CLDN10: variants seen among roughly 807,000 people sequenced by gnomAD.
The protein encoded by CLDN10 is claudin 10, also known as claudin-10.
CLDN10 carries 15 observed loss-of-function variants against 22.9 expected under a neutral mutation model. The observed-to-expected ratio is 0.65, with a 90% confidence interval of 0.44 to 1.01. The LOEUF is 1.01. Among genes scored for constraint, CLDN10 ranks in the 50% least tolerant of loss-of-function variants. The pLI, the probability that CLDN10 is intolerant of heterozygous loss-of-function variation, is 0.00. For missense variants in CLDN10, 247 were observed against 287.8 expected, an observed-to-expected ratio of 0.86 and a Z score of 1.03; for synonymous variants, 114 against 111.4, an observed-to-expected ratio of 1.02 and a Z score of -0.15.
At chr13:95,536,160 C>A (rs1487698937) in intron 1 of CLDN10, among the ~76,000 whole-genome samples, 1 of 139,252 alleles carries the variant, frequency 7.2e-6, no homozygotes, top group Non-Finnish European at 1.5e-5. Context: ...TCTTTAAATA[C>A]ATTTGTGTAT....
rs569467427 is a variant in CLDN10 at position 95,444,684 on chromosome 13, A to C, written c.214+10637A>C. ...TTAGGCTAAGGGACTCATCCAACCC[A>C]AAAATTATTAACTGCATGTTTCTGA... is the stretch of plus-strand genomic sequence containing the variant. On this transcript the variant is annotated intron_variant, in intron 1 of 4. Transcript: ENST00000376873. Among the ~76,000 whole-genome samples, 7 of 152,374 alleles carry C rather than the reference A, an allele frequency of 4.6e-5. 1 individual carries two copies. The highest frequency in any genetic ancestry group is 1.9e-4 in the East Asian group (1 of 5,190).
rs1248774381 is a variant in CLDN10 at position 95,489,048 on chromosome 13, T to C, written c.214+55001T>C. On this transcript the variant is annotated intron_variant, in intron 1 of 4. Coordinates refer to the CLDN10 transcript ENST00000376873. ...CTCACTGCAACCTCCGGCTCCTGGG[T>C]TCAAGTAATTCTCCTGCCTCAGCCT... Among the ~76,000 whole-genome samples the C allele has an allele frequency of 4.1e-5, 6 of 147,596 alleles. No individual in the cohort carries two copies. The East Asian group carries it at 1.2e-3, about 30-fold the overall frequency.
chr13:95,490,604 G>GT (rs2042862724), intron 1 of CLDN10, among the ~76,000 whole-genome samples: 1 of 152,154 alleles, frequency 6.6e-6, no homozygotes, highest in African/African-American at 2.4e-5. Flanking sequence ...TTGAATTCCA[G>GT]TTTTATTCCA....
chr13:95,552,713 A>C, upstream of CLDN10: 1 of 1,573,738 alleles, frequency 6.4e-7, no homozygotes. Context: ...GTCGCGGCGC[A>C]GAGTGGGAGC....
At chr13:95,561,668 C>T (rs1566338936) in intron 3 of CLDN10, among the ~76,000 whole-genome samples, 1 of 152,008 alleles carries the variant, frequency 6.6e-6, no homozygotes, top group African/African-American at 2.4e-5. Flanking sequence ...CTTCAGAACA[C>T]TGGCTCTTAA....
At chr13:95,459,901 A>T (rs2042518777) in intron 1 of CLDN10, among the ~76,000 whole-genome samples, 1 of 152,324 alleles carries the variant, frequency 6.6e-6, no homozygotes, top group East Asian at 1.9e-4. Flanking sequence ...ATTCCAAATC[A>T]TCTCTTTGTG....
At chr13:95,443,847 G>A (rs1245155046) in intron 1 of CLDN10, among the ~76,000 whole-genome samples, 1 of 152,132 alleles carries the variant, frequency 6.6e-6, no homozygotes, top group Non-Finnish European at 1.5e-5. Flanking sequence ...GCTAGCCCTC[G>A]GGTTGGAGGA....
chr13:95,457,562 A>G (rs895644468), intron 1 of CLDN10, among the ~76,000 whole-genome samples: 3 of 152,068 alleles, frequency 2.0e-5, no homozygotes, highest in African/African-American at 7.2e-5. Context: ...TATTTGTTCC[A>G]TTCTCTAGTT....
chr13:95,468,019 G>C (rs2042596406), intron 1 of CLDN10, among the ~76,000 whole-genome samples: 1 of 152,192 alleles, frequency 6.6e-6, no homozygotes, highest in East Asian at 1.9e-4. Flanking sequence ...GGAGGAATCT[G>C]CTTTACTTAG....
chr13:95,512,522 T>C (rs1375105228), intron 1 of CLDN10, among the ~76,000 whole-genome samples: 1 of 152,130 alleles, frequency 6.6e-6, no homozygotes, highest in Non-Finnish European at 1.5e-5. Flanking sequence ...ATAGCGAGTG[T>C]TTTAACTTCC....
At chr13:95,552,399 G>A (rs1413530205), upstream of CLDN10, among the ~76,000 whole-genome samples, 1 of 152,250 alleles carries the variant, frequency 6.6e-6, no homozygotes, top group Non-Finnish European at 1.5e-5. Context: ...TGGGGGCGCA[G>A]CAGGTTGTCC....
chr13:95,458,721 C>G (rs1009582500), intron 1 of CLDN10, among the ~76,000 whole-genome samples: 1 of 152,124 alleles, frequency 6.6e-6, no homozygotes, highest in Non-Finnish European at 1.5e-5. Context: ...GGTGGGGACA[C>G]AGCCAAACCA....
intron 1 of CLDN10, among the ~76,000 whole-genome samples, chr13:95,555,528 T>C (rs1461909560): frequency 6.6e-6 from 1 of 152,252 alleles, no homozygotes; most frequent in East Asian, 1.9e-4. Context: ...ATTTGTTATG[T>C]AGGTTGCAAT....
At chr13:95,517,708 G>T (rs775979793) in intron 1 of CLDN10, among the ~76,000 whole-genome samples, 15 of 152,096 alleles carry the variant, frequency 9.9e-5, no homozygotes, top group Non-Finnish European at 1.5e-4. Context: ...GGCTGAGGCG[G>T]GTGGATCACC....
chr13:95,551,351 G>A (rs964798881), upstream of CLDN10, among the ~76,000 whole-genome samples: 6 of 152,192 alleles, frequency 3.9e-5, no homozygotes, highest in African/African-American at 1.4e-4. Flanking sequence ...CTGAAGGGTG[G>A]AGCATGGGCT....
intron 1 of CLDN10, among the ~76,000 whole-genome samples, chr13:95,482,044 G>A (rs554928936): frequency 9.2e-5 from 14 of 152,194 alleles, no homozygotes; most frequent in Admixed American, 6.5e-4. Context: ...CAATCATAAC[G>A]TAACTTAATT....
intron 1 of CLDN10, among the ~76,000 whole-genome samples, chr13:95,531,567 G>T (rs1439489291): frequency 2.6e-5 from 4 of 151,966 alleles, no homozygotes; most frequent in Non-Finnish European, 5.9e-5. Context: ...GTCTCACTCT[G>T]TCACCCAGAC....
At chr13:95,565,229 T>G (rs2043769686) in intron 3 of CLDN10, among the ~76,000 whole-genome samples, 1 of 152,220 alleles carries the variant, frequency 6.6e-6, no homozygotes, top group Non-Finnish European at 1.5e-5. Context: ...TTCCCACCAT[T>G]GTTTTGTTAT....
rs57500288 is a variant in CLDN10, at chr13:95,532,792, C to CAAAAAAAAAAAA, written c.215-27329_215-27318dup. On this transcript the variant is annotated intron_variant, in intron 1 of 4. Transcript: ENST00000376873. ...CTTCAGATACTGGAACTCAATTCAG[C>CAAAAAAAAAAAA]AAAAAAAAAAAAAAAAAAAAAAGAA... 6.0e-4 allele frequency among the ~76,000 whole-genome samples: 37 copies of CAAAAAAAAAAAA among 62,016 alleles called. 1 individual carries two copies. Among genetic ancestry groups the CAAAAAAAAAAAA allele is most frequent in the African/African-American group, 1.1e-3 (16 of 15,072 alleles). The allele number at this position is 62,016 out of a possible 152,430, so 40.7% of individuals were successfully genotyped here.
Sources: gnomAD v4.1 joint callset for allele counts (sites outside exome capture counted in the v4.1 genomes callset) on GRCh38, gnomAD v4.1.1 for gene constraint, MANE v1.5 for transcripts, NCBI Gene and HGNC (gene_info 2026-07-23, HGNC 2026-07-21) for gene names.